The following DDX11 variants were observed in gnomAD, a reference collection of about 807,000 sequenced individuals.
The protein encoded by DDX11 is ATP-dependent DNA helicase DDX11.
Under a neutral mutation model 125.2 loss-of-function variants are expected in DDX11, and 72 were observed. That is an observed-to-expected ratio of 0.58 (90% CI 0.48 to 0.70). DDX11 has a LOEUF of 0.70. DDX11 is among the 30% of genes least tolerant of loss of function. The pLI is 0.00. For synonymous variants in DDX11, 347 were observed against 452.6 expected (o/e 0.77, Z 2.96); for missense variants, 883 against 1,165.0 (o/e 0.76, Z 3.52).
Position 31,097,980 on chromosome 12 carries a change from G to A in DDX11, c.1858G>A (p.Gly620Arg). The change falls in exon 18 of 27, where the codon GGG becomes AGG. Residue 620 changes from glycine (G) to arginine (R), a missense_variant. Transcript: ENST00000542838. The part of the protein sequence containing the change: ...VKECRAVVIA[G>R]GTMQPVSDFR... ...GGAATGCCGGGCAGTGGTCATTGCG[G>A]GGGGTACCATGCAGCCGGTAAGGAC... 1 of 1,613,786 alleles carries A rather than the reference G, an allele frequency of 6.2e-7. No homozygotes were observed. The highest frequency in any genetic ancestry group is 8.5e-7 in the Non-Finnish European group (1 of 1,179,760).
At chr12:31,091,898 A>G (rs1485022445) in intron 10 of DDX11, 27 bp downstream of exon 10, 4 of 1,613,712 alleles carry the variant, frequency 2.5e-6, no homozygotes, top group Non-Finnish European at 3.4e-6. Context: ...TCCCCGGGCC[A>G]GGGCCTGCTG....
In DDX11 at chr12:31,096,656, G is replaced by A. The variant is rs1403204414; in HGVS notation, c.1541G>A (p.Arg514Gln). The A allele has an allele frequency of 1.7e-5, 27 of 1,613,578 alleles. No homozygotes were observed. The highest frequency in any genetic ancestry group is 6.6e-5 in the South Asian group (6 of 91,058). Residue 514 changes from arginine to glutamine, a missense_variant, in exon 16 of 27, where the codon CGG becomes CAG. Arg to Gln is a conservative substitution (Grantham distance 43, BLOSUM62 1). Coordinates refer to ENST00000542838, the MANE Select transcript of DDX11 (RefSeq NM_030653.4). ...ACCCAGCTCTTTGGATTCACTGAACGGTACGGAGCAGTGTTCTCATCCCGG... is the reference window on the plus strand; with the variant it reads ...ACCCAGCTCTTTGGATTCACTGAACAGTACGGAGCAGTGTTCTCATCCCGG... Reference protein sequence around the residue: ...ISRKLFGFTERYGAVFSSREQ... With the variant: ...ISRKLFGFTEQYGAVFSSREQ...
intron 4 of DDX11, 135 bp from the exon 5 acceptor site, chr12:31,084,834 G>C: frequency 8.9e-7 from 1 of 1,126,716 alleles, no homozygotes; most frequent in Non-Finnish European, 1.3e-6. Context: ...TGGATCCTAG[G>C]AGTCGACCTC....
Position 31,101,822 on chromosome 12 carries a change from T to G in DDX11, c.2053-11T>G. 1.9e-6 allele frequency: 3 copies of G among 1,613,924 alleles called. No homozygotes were observed. Among genetic ancestry groups the G allele is most frequent in the Non-Finnish European group, 1.7e-6 (2 of 1,179,834 alleles). ...ATGGGGGCTCCCTCCCTCCCTCCTTTCCTTCCTTAGATGGACGAGGTGGGT... is the reference window on the plus strand; with the variant it reads ...ATGGGGGCTCCCTCCCTCCCTCCTTGCCTTCCTTAGATGGACGAGGTGGGT... On this transcript the variant is annotated splice_polypyrimidine_tract_variant and intron_variant, in intron 20 of 26. Coordinates refer to ENST00000542838, the MANE Select transcript of DDX11 (RefSeq NM_030653.4).
chr12:31,085,952 G>C, intron 5 of DDX11: 2 of 448,558 alleles, frequency 4.5e-6, no homozygotes, highest in Admixed American at 4.7e-5. Flanking sequence ...CTGTCGGAGG[G>C]TAACTGCAAG....
In DDX11 at chr12:31,103,693, A is replaced by G. The variant is rs1359189284; in HGVS notation, c.2653A>G (p.Lys885Glu). The stretch of plus-strand genomic sequence containing the variant: ...CTGGATCCGAGCCCGTGTGGAGGTC[A>G]AAGCTACCTTTGGCCCCGCCATTGC... ...PAWIRARVEVKATFGPAIAAV... is the reference protein window; with the variant it reads ...PAWIRARVEVEATFGPAIAAV... The change falls in exon 26 of 27, where the codon AAA becomes GAA. Residue 885 changes from lysine to glutamate, a missense_variant. Lys to Glu is a moderately conservative substitution (Grantham distance 56). Coordinates refer to ENST00000542838, the MANE Select transcript of DDX11 (RefSeq NM_030653.4). 3 of 1,613,928 alleles carry G rather than the reference A, an allele frequency of 1.9e-6. No homozygotes were observed. The South Asian group carries it at 3.3e-5, about 18-fold the overall frequency.
chr12:31,102,430 T>C lies in DDX11; in HGVS notation c.2275T>C (p.Cys759Arg). ...AGCGTCTGGGTTTCTCCTACAGGCC[T>C]GTGGCCAGGAGAGAGGCCAGGTGAC... Reference protein sequence around the residue: ...LLAYSRCIQACGQERGQVTGA... With the variant: ...LLAYSRCIQARGQERGQVTGA... The change falls in exon 23 of 27, where the codon TGT (cysteine) becomes CGT (arginine). Residue 759 changes from cysteine to arginine, a missense_variant. Cys to Arg is a radical substitution (Grantham distance 180). Transcript: ENST00000542838. The C allele has an allele frequency of 5.6e-6, 9 of 1,613,890 alleles. No individual in the cohort carries two copies. The South Asian group carries it at 8.8e-5, about 16-fold the overall frequency.
intron 6 of DDX11, 87 bp from the exon 7 acceptor site, chr12:31,088,957 T>G (rs992651539): frequency 1.9e-6 from 2 of 1,072,200 alleles, no homozygotes; most frequent in African/African-American, 3.1e-5. Flanking sequence ...TCCCTCAGCC[T>G]CTCAGGCCCT....
chr12:31,080,947 G>A (rs1941791258), intron 2 of DDX11, among the ~76,000 whole-genome samples: 1 of 152,100 alleles, frequency 6.6e-6, no homozygotes, highest in African/African-American at 2.4e-5. Flanking sequence ...TCACTATGCT[G>A]CTCAGGCCGG....
chr12:31,092,172 T>TC (rs1265466931), intron 10 of DDX11, among the ~76,000 whole-genome samples: 2 of 152,026 alleles, frequency 1.3e-5, no homozygotes, highest in Admixed American at 6.5e-5. Flanking sequence ...GAGGCAGAAG[T>TC]CCCCTCAGGA....
At position 31,089,156 on chromosome 12, in the gene DDX11, A is replaced by G. The variant is rs758123598; in HGVS notation, c.792+5A>G. 35 of 1,612,178 alleles carry G rather than the reference A, an allele frequency of 2.2e-5. No individual in the cohort carries two copies. In the South Asian group the frequency reaches 3.8e-4, roughly 18 times the overall value. On this transcript the variant is annotated splice_donor_5th_base_variant and intron_variant, in intron 7 of 26. Coordinates refer to ENST00000542838, the MANE Select transcript of DDX11 (RefSeq NM_030653.4). Reference sequence around the variant, plus strand: ...GTCTCCCTTGGCTCCCGGCAGGTAAACAGTAGCCAGTATTTCCACCAGGGG... The same window carrying G: ...GTCTCCCTTGGCTCCCGGCAGGTAAGCAGTAGCCAGTATTTCCACCAGGGG...
At chr12:31,078,922 C>T (rs1314687529) in intron 2 of DDX11, among the ~76,000 whole-genome samples, 4 of 152,092 alleles carry the variant, frequency 2.6e-5, no homozygotes, top group South Asian at 4.1e-4. Context: ...CTTCTGACCT[C>T]GTGATCCGCC....
At chr12:31,085,897 C>G in intron 5 of DDX11, 1 of 377,980 alleles carries the variant, frequency 2.6e-6, no homozygotes, top group Non-Finnish European at 5.3e-6. Flanking sequence ...GGGGCTGCAC[C>G]TGATGATGAG....
intron 18 of DDX11, among the ~76,000 whole-genome samples, chr12:31,099,179 C>T (rs1165353986): frequency 6.1e-5 from 9 of 147,788 alleles, no homozygotes; most frequent in African/African-American, 1.5e-4. Flanking sequence ...CCTCTGCCTC[C>T]GGGGTTCAAG....
In DDX11 at chr12:31,098,851, CG is replaced by C. The variant is rs1282564424; in HGVS notation, c.1875+856del. Among the ~76,000 whole-genome samples the C allele has an allele frequency of 5.9e-5, 9 of 152,230 alleles. No homozygotes were observed. The East Asian group carries it at 1.5e-3, about 26-fold the overall frequency. ...GCTAGCTCAGGTCCTCCCCGTGGCC[CG>C]GTCAGTCTCGCCTCCAGCACAGCAG... On this transcript the variant is annotated intron_variant, in intron 18 of 26. Coordinates refer to ENST00000542838, the MANE Select transcript of DDX11 (RefSeq NM_030653.4).
At chr12:31,095,426 C>T (rs1483626968) in intron 14 of DDX11, among the ~76,000 whole-genome samples, 3 of 152,204 alleles carry the variant, frequency 2.0e-5, no homozygotes, top group Admixed American at 6.5e-5. Context: ...AGGAGGGTGG[C>T]GAGCACAGGC....
Position 31,103,824 on chromosome 12 carries a change from G to A in DDX11, c.2709G>A (p.Ser903=), listed in dbSNP as rs761013462. Residue 903 remains serine, a synonymous_variant, in exon 27 of 27, where the codon TCG becomes TCA. Transcript: ENST00000542838. ...CTGCCCAGTTTCACCGGGAGAAGTCGGCCTCTTCCTGATGGGCAACCACAC... is the reference window on the plus strand; with the variant it reads ...CTGCCCAGTTTCACCGGGAGAAGTCAGCCTCTTCCTGATGGGCAACCACAC... The part of the protein sequence containing the change: ...AAVQKFHREK[S]ASS The A allele has an allele frequency of 9.9e-6, 16 of 1,613,828 alleles. No homozygotes were observed. In the East Asian group the frequency reaches 1.1e-4, roughly 11 times the overall value.
At chr12:31,090,319 GA>G (rs750846553) in intron 9 of DDX11, among the ~76,000 whole-genome samples, 142 of 148,090 alleles carry the variant, frequency 9.6e-4, no homozygotes, top group Non-Finnish European at 1.7e-3. Flanking sequence ...TGGTATTTAG[GA>G]GCCAGGAAAG....
At position 31,089,148 on chromosome 12, in the gene DDX11, G is replaced by T. The variant is rs573180172; in HGVS notation, c.789G>T (p.Arg263=). ...KDVRLVSLGS[R]QNLCVNEDVK... ...TTCGGCTGGTCTCCCTTGGCTCCCGGCAGGTAAACAGTAGCCAGTATTTCC... is the reference window on the plus strand; with the variant it reads ...TTCGGCTGGTCTCCCTTGGCTCCCGTCAGGTAAACAGTAGCCAGTATTTCC... Residue 263 remains arginine (R), a synonymous_variant, in exon 7 of 27, where the codon CGG becomes CGT. Transcript: ENST00000542838. The T allele has an allele frequency of 1.1e-5, 17 of 1,613,486 alleles. No individual in the cohort carries two copies. The African/African-American group carries it at 1.3e-4, about 13-fold the overall frequency.
Sources: allele counts gnomAD v4.1 joint callset (sites outside exome capture counted in the v4.1 genomes callset), GRCh38; gene constraint gnomAD v4.1.1; transcripts MANE v1.5; gene names NCBI Gene and HGNC (gene_info 2026-07-23, HGNC 2026-07-21).